NXPE2: variants seen among roughly 807,000 people sequenced by gnomAD.
NXPE2 encodes neurexophilin and PC-esterase domain family member 2.
A neutral mutation model predicts 34.4 loss-of-function variants in NXPE2; 34 were observed. The observed-to-expected ratio is 0.99, with a 90% CI of 0.75 to 1.31. NXPE2 has a LOEUF of 1.31. NXPE2 is among the 40% of genes most tolerant of loss of function. The probability of loss-of-function intolerance (pLI) is 0.00; values close to 1 mark genes in which losing one functional copy is unlikely to be tolerated. For synonymous variants in NXPE2, 235 were observed against 231.3 expected, an observed-to-expected ratio of 1.02 and a Z score of -0.15; for missense variants, 649 against 672.5, an observed-to-expected ratio of 0.97 and a Z score of 0.39.
At chr11:114,670,397 A>G in the NXPE2 span, among the ~76,000 whole-genome samples, 1 of 152,030 alleles carries the variant, frequency 6.6e-6, no homozygotes, top group Non-Finnish European at 1.5e-5. Context: ...CAGCCCAATT[A>G]CTAAACAAAC....
chr11:114,764,867 A>T, the NXPE2 span, among the ~76,000 whole-genome samples: 207 of 152,302 alleles, frequency 1.4e-3, 1 homozygote, highest in African/African-American at 4.6e-3. Context: ...CTTTGTGAAC[A>T]TCTAATGTAC....
chr11:114,623,983 G>A, the NXPE2 span, among the ~76,000 whole-genome samples: 5 of 152,116 alleles, frequency 3.3e-5, no homozygotes, highest in African/African-American at 4.8e-5. Context: ...GTATTGCCTC[G>A]TGGGTAACCA....
the NXPE2 span, among the ~76,000 whole-genome samples, chr11:114,654,602 T>C: frequency 6.6e-6 from 1 of 152,168 alleles, no homozygotes; most frequent in Non-Finnish European, 1.5e-5. Context: ...GTTAGTTTGC[T>C]GAGGATGATG....
At chr11:114,574,264 G>A in the NXPE2 span, among the ~76,000 whole-genome samples, 2 of 151,670 alleles carry the variant, frequency 1.3e-5, no homozygotes, top group Non-Finnish European at 2.9e-5. Flanking sequence ...AGTCTGAGAG[G>A]GCACAAATAG....
the NXPE2 span, among the ~76,000 whole-genome samples, chr11:114,742,460 A>G: frequency 1.3e-5 from 2 of 152,182 alleles, no homozygotes; most frequent in African/African-American, 4.8e-5. Context: ...GAGGCATCCC[A>G]CATGGCTGGG....
At chr11:114,477,220 G>A in the NXPE2 span, among the ~76,000 whole-genome samples, 4 of 152,258 alleles carry the variant, frequency 2.6e-5, no homozygotes, top group Admixed American at 6.5e-5. Flanking sequence ...GGAGCAAAAC[G>A]AATGGGGAGA....
chr11:114,729,889 C>A, the NXPE2 span, among the ~76,000 whole-genome samples: 1 of 152,106 alleles, frequency 6.6e-6, no homozygotes, highest in African/African-American at 2.4e-5. Flanking sequence ...TTTTGCTGTG[C>A]AGAAGCTATT....
chr11:114,504,202 T>C, the NXPE2 span, among the ~76,000 whole-genome samples: 8 of 152,098 alleles, frequency 5.3e-5, no homozygotes, highest in African/African-American at 1.9e-4. Context: ...CAACCCCCAG[T>C]GATGGCTGTT....
the NXPE2 span, among the ~76,000 whole-genome samples, chr11:114,535,376 A>C: frequency 6.6e-6 from 1 of 152,332 alleles, no homozygotes; most frequent in East Asian, 1.9e-4. Context: ...ACATCAACTA[A>C]CGAGCAAAAT....
At chr11:114,629,644 C>T in the NXPE2 span, among the ~76,000 whole-genome samples, 1 of 152,046 alleles carries the variant, frequency 6.6e-6, no homozygotes, top group South Asian at 2.1e-4. Context: ...CACTCCTATT[C>T]ATCAGAGTGT....
intron 3 of NXPE2, among the ~76,000 whole-genome samples, chr11:114,700,632 T>C (rs549548575): frequency 1.8e-4 from 27 of 152,144 alleles, no homozygotes; most frequent in African/African-American, 6.5e-4. Context: ...CCCAGCACAA[T>C]GCCTGACACT....
At chr11:114,483,361 C>A in the NXPE2 span, among the ~76,000 whole-genome samples, 1 of 152,162 alleles carries the variant, frequency 6.6e-6, no homozygotes, top group Admixed American at 6.5e-5. Flanking sequence ...GCGTTGTGTT[C>A]AAATCTTAGC....
At chr11:114,496,851 G>T in the NXPE2 span, among the ~76,000 whole-genome samples, 3 of 152,152 alleles carry the variant, frequency 2.0e-5, no homozygotes, top group Non-Finnish European at 4.4e-5. Flanking sequence ...TAACATTGTA[G>T]TGTAATGTTA....
the NXPE2 span, among the ~76,000 whole-genome samples, chr11:114,775,186 G>A: frequency 6.6e-6 from 1 of 152,192 alleles, no homozygotes; most frequent in Non-Finnish European, 1.5e-5. Context: ...TCTTGTCGCT[G>A]TCTTCCTTCC....
At chr11:114,606,596 G>A in the NXPE2 span, among the ~76,000 whole-genome samples, 8 of 151,964 alleles carry the variant, frequency 5.3e-5, no homozygotes, top group African/African-American at 1.5e-4. Context: ...TTTCCTTGTG[G>A]GTAACCACTG....
At chr11:114,484,932 G>T in the NXPE2 span, among the ~76,000 whole-genome samples, 1 of 152,134 alleles carries the variant, frequency 6.6e-6, no homozygotes, top group South Asian at 2.1e-4. Context: ...GTGACTTAGA[G>T]CAAGTCAATT....
chr11:114,683,121 TAATC>T (rs1435399175), intron 2 of NXPE2, among the ~76,000 whole-genome samples: 2 of 152,136 alleles, frequency 1.3e-5, no homozygotes, highest in East Asian at 3.8e-4. Context: ...AATTTCCCTT[TAATC>T]ATAGAGAACT....
the NXPE2 span, among the ~76,000 whole-genome samples, chr11:114,671,997 A>G: frequency 6.6e-6 from 1 of 152,022 alleles, no homozygotes; most frequent in Non-Finnish European, 1.5e-5. Flanking sequence ...GAAAACTTAC[A>G]ATCATGGTGA....
the NXPE2 span, among the ~76,000 whole-genome samples, chr11:114,485,689 A>G: frequency 6.6e-6 from 1 of 151,942 alleles, no homozygotes; most frequent in Admixed American, 6.6e-5. Context: ...CCATCCTTCT[A>G]TCTCCATGAG....
Sources: gnomAD v4.1 joint callset for allele counts (sites outside exome capture counted in the v4.1 genomes callset) on GRCh38, gnomAD v4.1.1 for gene constraint, MANE v1.5 for transcripts, NCBI Gene and HGNC (gene_info 2026-07-23, HGNC 2026-07-21) for gene names.